The following SEC31B variants were observed in gnomAD, a reference collection of about 807,000 sequenced individuals.
The protein encoded by SEC31B is SEC31 homolog B, COPII component.
Under a neutral mutation model 135.0 loss-of-function variants are expected in SEC31B, and 113 were observed. The ratio of observed to expected loss-of-function variants is 0.84; its 90% CI spans 0.72 to 0.98. The LOEUF is 0.98. SEC31B is among the 50% of genes least tolerant of loss of function. SEC31B has a pLI of 0.00. For synonymous variants in SEC31B, 508 were observed against 549.4 expected (o/e 0.92, Z 1.05); for missense variants, 1,296 against 1,421.1 (o/e 0.91, Z 1.42).
Position 100,487,809 on chromosome 10 carries a change from G to A in SEC31B, c.3361-14C>T, listed in dbSNP as rs1405390955. 6 of 1,613,600 alleles carry A rather than the reference G, an allele frequency of 3.7e-6. 1 individual carries two copies. In the South Asian group the frequency reaches 6.6e-5, roughly 18 times the overall value. On this transcript the variant is annotated splice_polypyrimidine_tract_variant and intron_variant, in intron 25 of 25. Transcript: ENST00000370345. ...ATGAGGTGAGAGCTGTGGAGGGAAT[G>A]ACCCTTAGGTTAGTGAGCCCAACCC...
intron 18 of SEC31B, 148 bp downstream of exon 18, chr10:100,496,110 C>T (rs1247205179): frequency 1.2e-6 from 1 of 811,512 alleles, no homozygotes; most frequent in African/African-American, 1.7e-5. Flanking sequence ...TCTGATCTTC[C>T]CCCAGTAGAT....
Position 100,514,138 on chromosome 10 carries a change from T to C in SEC31B, c.203+1958A>G, listed in dbSNP as rs575008901. On this transcript the variant is annotated intron_variant, in intron 3 of 25. Transcript: ENST00000370345. Reference sequence around the variant, plus strand: ...AGGTGGAGGTTGCAGTGAGCCAAGATCGAGCCACCACACTCCAGCCTGGGT... The same window carrying C: ...AGGTGGAGGTTGCAGTGAGCCAAGACCGAGCCACCACACTCCAGCCTGGGT... Among the ~76,000 whole-genome samples the C allele has an allele frequency of 1.1e-4, 16 of 152,042 alleles. No homozygotes were observed. In the East Asian group the frequency reaches 3.1e-3, roughly 30 times the overall value.
chr10:100,490,033 G>T lies in SEC31B; in HGVS notation c.2940C>A (p.Thr980=). ...PGAPCSSVLP[T]TGILTPHPGP... ...CTGGGTGAGGAGTCAAGATGCCAGT[G>T]GTTGGGAGGACACTAGAGCATGGGG... Residue 980 remains threonine (T), a synonymous_variant, in exon 21 of 26, where the codon ACC becomes ACA. Coordinates refer to ENST00000370345, the MANE Select transcript of SEC31B (RefSeq NM_015490.4). 6 of 1,548,898 alleles carry T rather than the reference G, an allele frequency of 3.9e-6. No individual in the cohort carries two copies. Among genetic ancestry groups the T allele is most frequent in the Non-Finnish European group, 5.2e-6 (6 of 1,153,218 alleles).
chr10:100,495,874 A>C (rs950971008), intron 18 of SEC31B, among the ~76,000 whole-genome samples: 1 of 152,118 alleles, frequency 6.6e-6, no homozygotes, highest in African/African-American at 2.4e-5. Context: ...AGATGACTCA[A>C]GGTTCCTGAA....
Position 100,487,430 on chromosome 10 carries a change from G to A in SEC31B, c.*186C>T. Reference sequence around the variant, plus strand: ...GAGTGTCTTGGACAGATCCTAGAAGGCCAGACATAAAGGAGTAAAAAGCAG... The same window carrying A: ...GAGTGTCTTGGACAGATCCTAGAAGACCAGACATAAAGGAGTAAAAAGCAG... On this transcript the variant is annotated 3_prime_UTR_variant, in exon 26 of 26. Transcript: ENST00000370345. 1.6e-6 allele frequency: 1 copy of A among 611,684 alleles called. No individual in the cohort carries two copies. The highest frequency in any genetic ancestry group is 2.9e-6 in the Non-Finnish European group (1 of 349,718). The allele number at this position is 611,684 out of a possible 1,614,324, so 37.9% of individuals were successfully genotyped here.
chr10:100,516,507 G>C (rs1471744668), intron 2 of SEC31B, among the ~76,000 whole-genome samples: 1 of 152,020 alleles, frequency 6.6e-6, no homozygotes, highest in East Asian at 1.9e-4. Flanking sequence ...AAATTAGCCA[G>C]ATGTGGTGGT....
At chr10:100,488,632 C>T (rs372134982) in intron 24 of SEC31B, among the ~76,000 whole-genome samples, 1 of 152,204 alleles carries the variant, frequency 6.6e-6, no homozygotes. Flanking sequence ...ACCCCTGCTG[C>T]CTTTAGGTCT....
At chr10:100,517,368 C>T (rs1851869646) in intron 1 of SEC31B, among the ~76,000 whole-genome samples, 2 of 152,160 alleles carry the variant, frequency 1.3e-5, no homozygotes, top group Non-Finnish European at 2.9e-5. Flanking sequence ...TATGCAATTT[C>T]TTTTCGTTTT....
chr10:100,490,936 A>G, intron 19 of SEC31B, 53 bp from the exon 20 acceptor site: 1 of 1,265,230 alleles, frequency 7.9e-7, no homozygotes, highest in Middle Eastern at 2.4e-4. Flanking sequence ...AAGGTAAATA[A>G]TAGAAAACAG....
In SEC31B at chr10:100,503,434, CTT is replaced by C. The variant is rs113897653; in HGVS notation, c.1180-952_1180-951del. ...TCCAATGTGTATCCAAGGCTGACAA[CTT>C]TTTTTTTTTTTTTTGAGATGGAGTT... On this transcript the variant is annotated intron_variant, in intron 10 of 25. Transcript: ENST00000370345. 4.3e-3 allele frequency among the ~76,000 whole-genome samples: 607 copies of C among 142,344 alleles called. 5 individuals carry two copies. The highest frequency in any genetic ancestry group is 0.014 in the African/African-American group (540 of 38,740). 93.4% of individuals were successfully genotyped at this position (142,344 alleles called of 152,430 possible).
At chr10:100,502,534 G>A (rs1390696972) in intron 10 of SEC31B, 50 bp from the exon 11 acceptor site, 2 of 1,231,196 alleles carry the variant, frequency 1.6e-6, no homozygotes, top group South Asian at 1.3e-5. Flanking sequence ...AAGTCAAAAA[G>A]TAACACTAAG....
At chr10:100,502,507 G>T (rs766801624) in intron 10 of SEC31B, 23 bp from the exon 11 acceptor site, 2 of 1,551,454 alleles carry the variant, frequency 1.3e-6, no homozygotes, top group Non-Finnish European at 1.8e-6. Flanking sequence ...AGCAAGAAGG[G>T]TAAAGGTTAT....
chr10:100,513,859 C>A (rs1200911420), intron 3 of SEC31B, among the ~76,000 whole-genome samples: 1 of 152,082 alleles, frequency 6.6e-6, no homozygotes, highest in Non-Finnish European at 1.5e-5. Context: ...AGGCACTGCT[C>A]TAAGTGCCTG....
intron 16 of SEC31B, 122 bp from the exon 17 acceptor site, chr10:100,497,402 G>C: frequency 6.6e-7 from 1 of 1,522,968 alleles, no homozygotes; most frequent in Non-Finnish European, 8.8e-7. Flanking sequence ...AGACAACACT[G>C]AGACTCACCT....
rs201421660 is a variant in SEC31B at position 100,508,070 on chromosome 10, A to T, written c.496-19T>A. On this transcript the variant is annotated intron_variant, in intron 5 of 25. Coordinates refer to ENST00000370345, the MANE Select transcript of SEC31B (RefSeq NM_015490.4). ...GAGGCTGCTAAGGCAGGATGGGGACAGAAAGATGACAACTTGTCACCCCCT... is the reference window on the plus strand; with the variant it reads ...GAGGCTGCTAAGGCAGGATGGGGACTGAAAGATGACAACTTGTCACCCCCT... 6.2e-7 allele frequency: 1 copy of T among 1,613,808 alleles called. No individual in the cohort carries two copies. Among genetic ancestry groups the T allele is most frequent in the East Asian group, 2.2e-5 (1 of 44,876 alleles).
At chr10:100,489,155 A>G (rs1851249239) in intron 23 of SEC31B, 97 bp downstream of exon 23, 2 of 1,468,984 alleles carry the variant, frequency 1.4e-6, no homozygotes, top group Admixed American at 5.5e-5. Flanking sequence ...AGTCTCCCTC[A>G]GCACATGCCT....
rs936622646 is a variant in SEC31B, at chr10:100,507,801, G to A, written c.639+107C>T. 1.5e-5 allele frequency: 22 copies of A among 1,487,974 alleles called. No individual in the cohort carries two copies. In the African/African-American group the frequency reaches 2.3e-4, roughly 16 times the overall value. The allele number at this position is 1,487,974 out of a possible 1,614,324, so 92.2% of individuals were successfully genotyped here. ...ATGTGCTAAGCGGCTGACTCCACAT[G>A]TCCGACAGCTGAAAGCAGGACTCTG... On this transcript the variant is annotated intron_variant, in intron 6 of 25. Transcript: ENST00000370345.
At chr10:100,494,185 C>G (rs895882056) in intron 19 of SEC31B, among the ~76,000 whole-genome samples, 1 of 152,080 alleles carries the variant, frequency 6.6e-6, no homozygotes, top group Admixed American at 6.5e-5. Context: ...CCAATCCCCC[C>G]GGGCACTTTG....
intron 3 of SEC31B, among the ~76,000 whole-genome samples, chr10:100,513,431 T>C (rs1851769852): frequency 6.6e-6 from 1 of 152,194 alleles, no homozygotes; most frequent in Non-Finnish European, 1.5e-5. Flanking sequence ...ACTGAAGTGC[T>C]GGATTTGAAT....
Sources: allele counts gnomAD v4.1 joint callset (sites outside exome capture counted in the v4.1 genomes callset), GRCh38; gene constraint gnomAD v4.1.1; transcripts MANE v1.5; gene names NCBI Gene and HGNC (gene_info 2026-07-23, HGNC 2026-07-21).